The following ZNF711 variants were observed in gnomAD, a reference collection of about 807,000 sequenced individuals.
The protein encoded by ZNF711 is zinc finger protein 711.
A neutral mutation model predicts 43.5 loss-of-function variants in ZNF711; 3 were observed. The observed-to-expected ratio is 0.07, with a 90% CI of 0.03 to 0.18. The LOEUF is 0.18. Ranked by LOEUF, ZNF711 falls within the 10% of genes least tolerant of loss-of-function variation. The pLI, the probability that ZNF711 is intolerant of heterozygous loss-of-function variation, is 1.00. For missense variants in ZNF711, 412 were observed against 604.0 expected, an observed-to-expected ratio of 0.68 and a Z score of 3.33; for synonymous variants, 209 against 207.7, an observed-to-expected ratio of 1.01 and a Z score of -0.06.
In ZNF711 at chrX:85,263,077, A is replaced by G. The variant is rs1053723679; in HGVS notation, c.623-1198A>G. On this transcript the variant is annotated intron_variant, in intron 5 of 10. Transcript: ENST00000674551. The stretch of plus-strand genomic sequence containing the variant: ...ACATATATATAATAAGGAGGAGTAG[A>G]TTTTCAATTTAGATTACATTTGTGT... 4.5e-5 allele frequency among the ~76,000 whole-genome samples: 5 copies of G among 110,551 alleles called. No individual in the cohort carries two copies. In the Admixed American group the frequency reaches 4.8e-4, roughly 11 times the overall value.
intron 4 of ZNF711, among the ~76,000 whole-genome samples, chrX:85,248,434 A>G (rs1427185813): frequency 1.1e-5 from 1 of 93,903 alleles, no homozygotes; most frequent in African/African-American, 4.1e-5. Context: ...AGATGGTGCC[A>G]CTGCACTCCA....
chrX:85,246,172 T>G (rs1421149417), intron 2 of ZNF711, 150 bp downstream of exon 2: 2 of 110,758 alleles, frequency 1.8e-5, no homozygotes, highest in Non-Finnish European at 3.8e-5. Flanking sequence ...GTACACTGTT[T>G]TAAATGTTAA....
Position 85,247,589 on chromosome X carries a change from G to T in ZNF711, c.17G>T (p.Gly6Val). Reference sequence around the variant, plus strand: ...TTGCTAAGTATGGATTCAGGCGGTGGAAGTCTTGGATTGCACACGCCAGAC... The same window carrying T: ...TTGCTAAGTATGGATTCAGGCGGTGTAAGTCTTGGATTGCACACGCCAGAC... Reference protein sequence around the residue: MDSGGGSLGLHTPDSR... With the variant: MDSGGVSLGLHTPDSR... The change falls in exon 4 of 11, where the codon GGA becomes GTA. Residue 6 changes from glycine (G) to valine (V), a missense_variant. This residue lies in a region of ZNF711 where 375 missense variants were observed against 514.2 expected (regional missense o/e 0.73). Coordinates refer to ENST00000674551, the MANE Select transcript of ZNF711 (RefSeq NM_001330574.2). The T allele has an allele frequency of 8.3e-7, 1 of 1,209,099 alleles. No homozygotes were observed. The highest frequency in any genetic ancestry group is 3.0e-5 in the East Asian group (1 of 33,815).
chrX:85,254,897 AG>A (rs1260528331), intron 4 of ZNF711, among the ~76,000 whole-genome samples: 1 of 111,622 alleles, frequency 9.0e-6, no homozygotes, highest in Non-Finnish European at 1.9e-5. Flanking sequence ...ATAACGTTTG[AG>A]AAATCCAGTT....
chrX:85,256,171 A>G (rs935962972), intron 5 of ZNF711, among the ~76,000 whole-genome samples: 2 of 111,536 alleles, frequency 1.8e-5, no homozygotes, highest in African/African-American at 6.5e-5. Context: ...GAAATTGTCA[A>G]TTAAGTTTTT....
chrX:85,254,777 G>A (rs912145143), intron 4 of ZNF711, among the ~76,000 whole-genome samples: 1 of 101,180 alleles, frequency 9.9e-6, no homozygotes, highest in African/African-American at 3.6e-5. Flanking sequence ...ACTCCAGCCC[G>A]GGCGATAGAG....
rs2022452210 is a variant in ZNF711 at position 85,272,004 on chromosome X, A to G, written c.*176A>G. On this transcript the variant is annotated 3_prime_UTR_variant, in exon 11 of 11. Coordinates refer to ENST00000674551, the MANE Select transcript of ZNF711 (RefSeq NM_001330574.2). ...ACAGGGGATCCCATAGCCCTTTGAAAATTACTTAAAGAATTTAAGAAGCAC... is the reference window on the plus strand; with the variant it reads ...ACAGGGGATCCCATAGCCCTTTGAAGATTACTTAAAGAATTTAAGAAGCAC... 2.2e-6 allele frequency: 1 copy of G among 453,583 alleles called. No homozygotes were observed. Among genetic ancestry groups the G allele is most frequent in the East Asian group, 3.7e-5 (1 of 26,878 alleles). 37.4% of individuals were successfully genotyped at this position (453,583 alleles called of 1,213,427 possible).
intron 8 of ZNF711, among the ~76,000 whole-genome samples, chrX:85,267,804 C>A (rs948257188): frequency 3.6e-5 from 4 of 110,958 alleles, no homozygotes; most frequent in African/African-American, 1.3e-4. Flanking sequence ...AAACAGAAAC[C>A]CAGGTATGCT....
rs1243577539 is a variant in ZNF711, at chrX:85,255,435, G to A, written c.256G>A (p.Gly86Ser). ...IITETDVVTEGVIVPEAVLEA... is the reference protein window; with the variant it reads ...IITETDVVTESVIVPEAVLEA... ...CACAGAGACTGATGTAGTAACAGAAGGTGTGATTGTTCCTGAAGCGGTACT... is the reference window on the plus strand; with the variant it reads ...CACAGAGACTGATGTAGTAACAGAAAGTGTGATTGTTCCTGAAGCGGTACT... Residue 86 changes from glycine (G) to serine (S), a missense_variant, in exon 5 of 11, where the codon GGT becomes AGT. By Grantham distance (56) the Gly-to-Ser change is moderately conservative. Around this residue, in one of 4 missense-constraint regions of ZNF711, gnomAD observed 375 missense variants for 514.2 expected, o/e 0.73. Coordinates refer to ENST00000674551, the MANE Select transcript of ZNF711 (RefSeq NM_001330574.2). The A allele has an allele frequency of 8.3e-7, 1 of 1,209,932 alleles. No individual in the cohort carries two copies. Among genetic ancestry groups the A allele is most frequent in the Non-Finnish European group, 1.1e-6 (1 of 895,285 alleles).
intron 5 of ZNF711, among the ~76,000 whole-genome samples, chrX:85,256,143 T>C (rs1858479347): frequency 9.0e-6 from 1 of 111,627 alleles, no homozygotes; most frequent in East Asian, 2.8e-4. Flanking sequence ...ACTGCTTTTT[T>C]TTAATATGAC....
Position 85,255,748 on chromosome X carries a change from A to G in ZNF711, c.569A>G (p.Asp190Gly). Reference protein sequence around the residue: ...PGSTVTIKTEDDDDDDVKSTS... With the variant: ...PGSTVTIKTEGDDDDDVKSTS... ...TCTACAGTTACTATAAAAACCGAAG[A>G]TGATGATGATGATGATGTCAAGAGC... Residue 190 changes from aspartate (D) to glycine (G), a missense_variant, in exon 5 of 11, where the codon GAT (aspartate) becomes GGT (glycine). Transcript: ENST00000674551. 1 of 1,203,420 alleles carries G rather than the reference A, an allele frequency of 8.3e-7. No homozygotes were observed. The highest frequency in any genetic ancestry group is 1.1e-6 in the Non-Finnish European group (1 of 890,065).
intron 7 of ZNF711, among the ~76,000 whole-genome samples, chrX:85,265,661 A>G (rs1466953588): frequency 1.8e-5 from 2 of 110,779 alleles, no homozygotes; most frequent in African/African-American, 6.6e-5. Context: ...GGAAGGAAAA[A>G]AAAAGATTCA....
At chrX:85,251,832 C>T (rs1929575480) in intron 4 of ZNF711, among the ~76,000 whole-genome samples, 1 of 110,167 alleles carries the variant, frequency 9.1e-6, no homozygotes, top group Admixed American at 9.8e-5. Context: ...ACTCTAACCT[C>T]TTCCCAGGCA....
At chrX:85,257,100 T>A (rs998242662) in intron 5 of ZNF711, among the ~76,000 whole-genome samples, 1 of 112,088 alleles carries the variant, frequency 8.9e-6, no homozygotes. Context: ...TCTGCAAAAG[T>A]TTTTTAAAAA....
Position 85,254,556 on chromosome X carries a change from G to A in ZNF711, c.80-703G>A, listed in dbSNP as rs779733124. 7.4e-5 allele frequency among the ~76,000 whole-genome samples: 5 copies of A among 67,154 alleles called. No individual in the cohort carries two copies. The South Asian group carries it at 4.8e-3, about 64-fold the overall frequency. The allele number at this position is 67,154 out of a possible 115,157, so 58.3% of individuals were successfully genotyped here. On this transcript the variant is annotated intron_variant, in intron 4 of 10. Transcript: ENST00000674551. Reference sequence around the variant, plus strand: ...CGGGAAGCGGAGCTTGCAGTGAGCCGAGATTGCGCCACTGCAGTCCGCAGT... The same window carrying A: ...CGGGAAGCGGAGCTTGCAGTGAGCCAAGATTGCGCCACTGCAGTCCGCAGT...
intron 5 of ZNF711, among the ~76,000 whole-genome samples, chrX:85,260,149 A>T (rs1426041869): frequency 1.8e-5 from 2 of 111,452 alleles, no homozygotes; most frequent in Non-Finnish European, 3.8e-5. Flanking sequence ...TACTGCAATG[A>T]TCACATGGTT....
At chrX:85,265,507 T>C (rs1184302164) in intron 7 of ZNF711, among the ~76,000 whole-genome samples, 1 of 111,026 alleles carries the variant, frequency 9.0e-6, no homozygotes, top group Non-Finnish European at 1.9e-5. Context: ...ATGAACAACA[T>C]ACAGCTCCTG....
Position 85,255,808 on chromosome X carries a change from G to A in ZNF711, c.622+7G>A. The A allele has an allele frequency of 1.7e-6, 2 of 1,206,166 alleles. No individual in the cohort carries two copies. The highest frequency in any genetic ancestry group is 2.2e-6 in the Non-Finnish European group (2 of 892,589). On this transcript the variant is annotated splice_region_variant and intron_variant, in intron 5 of 10. Coordinates refer to ENST00000674551, the MANE Select transcript of ZNF711 (RefSeq NM_001330574.2). ...GACTACTTAATGATATCTTGTAAGT[G>A]AAACATAAAGCCCATAATTACTCAG...
At chrX:85,260,687 A>G (rs995891369) in intron 5 of ZNF711, among the ~76,000 whole-genome samples, 1 of 110,252 alleles carries the variant, frequency 9.1e-6, no homozygotes, top group Non-Finnish European at 1.9e-5. Context: ...GAGTTATACA[A>G]TATGTGGCAT....
Sources: allele counts gnomAD v4.1 joint callset (sites outside exome capture counted in the v4.1 genomes callset), GRCh38; gene constraint gnomAD v4.1.1; regional missense constraint gnomAD v4.1.1; transcripts MANE v1.5; gene names NCBI Gene and HGNC (gene_info 2026-07-23, HGNC 2026-07-21).